MVB12B: variants seen among roughly 807,000 people sequenced by gnomAD.
MVB12B encodes ESCRT-I complex subunit MVB12B.
In MVB12B, 16 loss-of-function variants were observed where a neutral mutation model predicts 41.6. The observed-to-expected ratio is 0.38, with a 90% CI of 0.26 to 0.58. The LOEUF (loss-of-function observed/expected upper bound fraction) is 0.58, where lower values mean the gene tolerates loss of function less well. Ranked by LOEUF, MVB12B falls within the 20% of genes least tolerant of loss-of-function variation. The pLI is 0.62. For synonymous variants in MVB12B, 133 were observed against 139.7 expected (o/e 0.95, Z 0.34); for missense variants, 274 against 380.2 (o/e 0.72, Z 2.32).
chr9:126,355,075 G>C (rs1829844628), intron 2 of MVB12B, among the ~76,000 whole-genome samples: 1 of 152,172 alleles, frequency 6.6e-6, no homozygotes, highest in Non-Finnish European at 1.5e-5. Context: ...TCATATGCTA[G>C]AGGTCTTTGC....
chr9:126,343,436 G>A lies in MVB12B; in HGVS notation c.204+2806G>A, dbSNP rs1213248287. Among the ~76,000 whole-genome samples, 3 of 152,218 alleles carry A rather than the reference G, an allele frequency of 2.0e-5. No homozygotes were observed. In the East Asian group the frequency reaches 5.8e-4, roughly 29 times the overall value. ...GTGGATGGTCAGTTTTCGAAGAATT[G>A]TAATGCTATAAGAAGCACTTCCGGC... On this transcript the variant is annotated intron_variant, in intron 2 of 9. Transcript: ENST00000361171.
chr9:126,380,335 A>C (rs1026857780), intron 2 of MVB12B, among the ~76,000 whole-genome samples: 2 of 152,148 alleles, frequency 1.3e-5, no homozygotes, highest in African/African-American at 4.8e-5. Context: ...GCCCAGCCCC[A>C]GTCTAGGTCA....
In MVB12B at chr9:126,376,488, G is replaced by T. The variant is rs1488409335; in HGVS notation, c.205-4576G>T. 22 of 1,287,584 alleles carry T rather than the reference G, an allele frequency of 1.7e-5. No individual in the cohort carries two copies. The highest frequency in any genetic ancestry group is 2.0e-5 in the Non-Finnish European group (20 of 987,556). The allele number at this position is 1,287,584 out of a possible 1,614,324, so 79.8% of individuals were successfully genotyped here. On this transcript the variant is annotated intron_variant, in intron 2 of 9. Transcript: ENST00000361171. The surrounding 1 kb of genome is among the most constrained non-coding windows in gnomAD (Gnocchi z 4.1). ...TGGGCTGGAGCCCTGTGGGTGGGGGGCCTGCTGGCTGGTGTGCTACACAGT... is the reference window on the plus strand; with the variant it reads ...TGGGCTGGAGCCCTGTGGGTGGGGGTCCTGCTGGCTGGTGTGCTACACAGT...
chr9:126,427,342 G>A (rs540102166), intron 7 of MVB12B, among the ~76,000 whole-genome samples: 10 of 152,036 alleles, frequency 6.6e-5, no homozygotes, highest in African/African-American at 9.7e-5. Flanking sequence ...TGGAGACCTC[G>A]GGGAATGTCA....
At chr9:126,416,319 C>T (rs908269254) in intron 6 of MVB12B, among the ~76,000 whole-genome samples, 2 of 152,218 alleles carry the variant, frequency 1.3e-5, no homozygotes, top group African/African-American at 4.8e-5. Flanking sequence ...GGAGGCAACA[C>T]ACCCCTGCCA....
At chr9:126,492,609 A>G (rs551550722) in intron 9 of MVB12B, among the ~76,000 whole-genome samples, 2 of 152,310 alleles carry the variant, frequency 1.3e-5, no homozygotes, top group East Asian at 3.9e-4. Context: ...TGGGAGGCCA[A>G]GGTGGGAGGA....
At chr9:126,490,857 T>C (rs1019225789) in intron 9 of MVB12B, among the ~76,000 whole-genome samples, 4 of 152,230 alleles carry the variant, frequency 2.6e-5, no homozygotes, top group Non-Finnish European at 5.9e-5. Flanking sequence ...CTCAAGAGTG[T>C]AGTCACGTGG....
chr9:126,395,649 C>T lies in MVB12B; in HGVS notation c.614C>T (p.Thr205Met), dbSNP rs141017138. The T allele has an allele frequency of 1.1e-5, 18 of 1,614,044 alleles. No individual in the cohort carries two copies. The highest frequency in any genetic ancestry group is 1.1e-4 in the African/African-American group (8 of 74,902). Reference protein sequence around the residue: ...PRNHDSSQPTTPSQSSAASTP... With the variant: ...PRNHDSSQPTMPSQSSAASTP... ...AATCATGACTCATCTCAACCCACAACGCCTTCCCAGTCATCAGCTGCCTCC... is the reference window on the plus strand; with the variant it reads ...AATCATGACTCATCTCAACCCACAATGCCTTCCCAGTCATCAGCTGCCTCC... The change falls in exon 6 of 10, where the codon ACG (threonine) becomes ATG (methionine). Residue 205 changes from threonine to methionine, a missense_variant. By Grantham distance (81) the Thr-to-Met change is moderately conservative (BLOSUM62 -1). Transcript: ENST00000361171. The surrounding 1 kb of genome is among the most constrained non-coding windows in gnomAD (Gnocchi z 4.9).
chr9:126,399,841 C>G (rs1470943236), intron 6 of MVB12B, among the ~76,000 whole-genome samples: 1 of 152,206 alleles, frequency 6.6e-6, no homozygotes, highest in East Asian at 1.9e-4. Flanking sequence ...TTAGGGTGAG[C>G]TGACGTGCTG....
rs886643313 is a variant in MVB12B at position 126,479,472 on chromosome 9, C to T, written c.758-1897C>T. Among the ~76,000 whole-genome samples the T allele has an allele frequency of 2.6e-5, 4 of 152,180 alleles. No homozygotes were observed. The South Asian group carries it at 8.3e-4, about 32-fold the overall frequency. On this transcript the variant is annotated intron_variant, in intron 7 of 9. Transcript: ENST00000361171. ...GTGAAGCAGCATACACGCATAGGTA[C>T]TTAGAGTTCACACACAGGTCTGCAC... is the stretch of plus-strand genomic sequence containing the variant.
At chr9:126,500,271 C>G (rs1199042251) in intron 9 of MVB12B, among the ~76,000 whole-genome samples, 2 of 152,224 alleles carry the variant, frequency 1.3e-5, no homozygotes, top group African/African-American at 4.8e-5. Context: ...CCTGCAGGAA[C>G]CTGGCTCTGG....
In MVB12B at chr9:126,342,965, G is replaced by A. The variant is rs868240384; in HGVS notation, c.204+2335G>A. Among the ~76,000 whole-genome samples, 12 of 152,260 alleles carry A rather than the reference G, an allele frequency of 7.9e-5. 1 individual carries two copies. The highest frequency in any genetic ancestry group is 4.1e-4 in the South Asian group (2 of 4,822). The stretch of plus-strand genomic sequence containing the variant: ...TGCTGTAGGATTAATTTCTCCCTGC[G>A]CACAGAGCCCGTTAAGTACTGCCAC... On this transcript the variant is annotated intron_variant, in intron 2 of 9. Coordinates refer to ENST00000361171, the MANE Select transcript of MVB12B (RefSeq NM_033446.3).
rs1244809932 is a variant in MVB12B at position 126,370,397 on chromosome 9, T to TC, written c.205-10663dup. On this transcript the variant is annotated intron_variant, in intron 2 of 9. Transcript: ENST00000361171. The stretch of plus-strand genomic sequence containing the variant: ...AGGGGCTCTTTTTTTTTTTTTTTTT[T>TC]CCCCAGACAGAGTCTCGTTCTGTTG... Among the ~76,000 whole-genome samples the TC allele has an allele frequency of 6.0e-5, 9 of 149,626 alleles. No individual in the cohort carries two copies. In the South Asian group the frequency reaches 6.3e-4, roughly 11 times the overall value.
intron 6 of MVB12B, among the ~76,000 whole-genome samples, chr9:126,406,832 CTT>C (rs895735946): frequency 6.9e-6 from 1 of 145,662 alleles, no homozygotes. Flanking sequence ...CTTTCTTCAT[CTT>C]TTTTTTTTTA....
chr9:126,421,693 C>T (rs1832024937), intron 6 of MVB12B, among the ~76,000 whole-genome samples, 161 bp from the exon 7 acceptor site: 1 of 152,186 alleles, frequency 6.6e-6, no homozygotes, highest in Non-Finnish European at 1.5e-5. Flanking sequence ...GACTTGAGCC[C>T]AGTGGAGGAG....
chr9:126,421,450 G>A (rs1420894152), intron 6 of MVB12B, among the ~76,000 whole-genome samples: 1 of 152,246 alleles, frequency 6.6e-6, no homozygotes, highest in African/African-American at 2.4e-5. Flanking sequence ...AGGAATGGAA[G>A]CATTTGCATG....
At chr9:126,441,063 C>T (rs994523410) in intron 7 of MVB12B, among the ~76,000 whole-genome samples, 3 of 152,192 alleles carry the variant, frequency 2.0e-5, no homozygotes, top group Non-Finnish European at 2.9e-5. Flanking sequence ...TCTGTTCTCC[C>T]GATGCAGCCC....
At position 126,503,555 on chromosome 9, in the gene MVB12B, A is replaced by C; in HGVS notation, c.*292A>C. The stretch of plus-strand genomic sequence containing the variant: ...TGACCAGTTGTCCTCCAAAAACCTC[A>C]CTCACCACGGAGTCACCCTGAGGGC... On this transcript the variant is annotated 3_prime_UTR_variant, in exon 10 of 10. Transcript: ENST00000361171. 9.0e-6 allele frequency: 4 copies of C among 443,948 alleles called. No homozygotes were observed. The highest frequency in any genetic ancestry group is 1.6e-5 in the Non-Finnish European group (4 of 247,810). The allele number at this position is 443,948 out of a possible 1,614,324, so 27.5% of individuals were successfully genotyped here.
chr9:126,400,031 T>C (rs1831225934), intron 6 of MVB12B, among the ~76,000 whole-genome samples: 1 of 151,946 alleles, frequency 6.6e-6, no homozygotes, highest in Non-Finnish European at 1.5e-5. Flanking sequence ...AGCGTGGGTG[T>C]GTGGAGTACA....
Sources: gnomAD v4.1 joint callset for allele counts (sites outside exome capture counted in the v4.1 genomes callset) on GRCh38, gnomAD v4.1.1 for gene constraint, Gnocchi (gnomAD v3.1) non-coding constraint, MANE v1.5 for transcripts, NCBI Gene and HGNC (gene_info 2026-07-23, HGNC 2026-07-21) for gene names.